HIPK2: variants seen among roughly 807,000 people sequenced by gnomAD.
The protein encoded by HIPK2 is homeodomain interacting protein kinase 2.
A neutral mutation model predicts 113.7 loss-of-function variants in HIPK2; 27 were observed. The observed-to-expected ratio is 0.24, with a 90% CI of 0.17 to 0.33. The LOEUF (loss-of-function observed/expected upper bound fraction) is 0.33. HIPK2 is among the 10% of genes least tolerant of loss of function. The pLI is 1.00. For synonymous variants in HIPK2, 631 were observed against 642.2 expected, an observed-to-expected ratio of 0.98 and a Z score of 0.26; for missense variants, 1,257 against 1,588.0, an observed-to-expected ratio of 0.79 and a Z score of 3.54.
intron 12 of HIPK2, among the ~76,000 whole-genome samples, chr7:139,594,456 C>T (rs753590218): frequency 6.6e-6 from 1 of 152,018 alleles, no homozygotes; most frequent in East Asian, 1.9e-4. Flanking sequence ...TATTTCCCCA[C>T]ATTTTTTTTT....
In HIPK2 at chr7:139,566,291, C is replaced by G. The variant is rs6958507; in HGVS notation, c.*6636G>C. 0.098 allele frequency: 14,891 copies of G among 152,214 alleles called. 1,046 individuals carry two copies. Among genetic ancestry groups the G allele is most frequent in the African/African-American group, 0.2 (8,157 of 41,472 alleles). 9.4% of individuals were successfully genotyped at this position (152,214 alleles called of 1,614,324 possible). A position where few individuals can be genotyped will look rare whatever the true frequency, so the allele number is the denominator to read the frequency against. ...GCTCAGTTCTGGAGCTGGGCAGACTCAGGTTCAAGCCCTCCTCGCCCCTCA... is the reference window on the plus strand; with the variant it reads ...GCTCAGTTCTGGAGCTGGGCAGACTGAGGTTCAAGCCCTCCTCGCCCCTCA... On this transcript the variant is annotated 3_prime_UTR_variant, in exon 15 of 15. Transcript: ENST00000406875. This position sits in a 1 kb window ranked among gnomAD's most constrained non-coding sequence, Gnocchi z 4.1.
At chr7:139,715,696 G>A (rs561324814) in intron 2 of HIPK2, among the ~76,000 whole-genome samples, 1 of 152,296 alleles carries the variant, frequency 6.6e-6, no homozygotes, top group Non-Finnish European at 1.5e-5. Flanking sequence ...CAGGTCCCAG[G>A]GAGCCCTTCC....
chr7:139,570,362 T>A lies in HIPK2; in HGVS notation c.*2565A>T, dbSNP rs1385706296. On this transcript the variant is annotated 3_prime_UTR_variant, in exon 15 of 15. Coordinates refer to ENST00000406875, the MANE Select transcript of HIPK2 (RefSeq NM_022740.5). ...CTCTGAACTGACCATTGTCCTGCTG[T>A]CTCAGAGGGCTGCGCTTCCCCACCT... 2 of 152,204 alleles carry A rather than the reference T, an allele frequency of 1.3e-5. No homozygotes were observed. 9.4% of individuals were successfully genotyped at this position (152,204 alleles called of 1,614,324 possible). A position where few individuals can be genotyped will look rare whatever the true frequency, so the allele number is the denominator to read the frequency against.
intron 2 of HIPK2, among the ~76,000 whole-genome samples, chr7:139,703,873 ACCAC>A (rs1569477447): frequency 8.0e-5 from 10 of 125,056 alleles, no homozygotes; most frequent in South Asian, 2.6e-4. Flanking sequence ...CACACCCAAC[ACCAC>A]CACACACACA....
chr7:139,650,389 C>T (rs573588260), intron 2 of HIPK2, among the ~76,000 whole-genome samples: 1 of 148,140 alleles, frequency 6.8e-6, no homozygotes, highest in African/African-American at 2.5e-5. Context: ...ATTTCTGAGG[C>T]TGATCTGGGG....
At chr7:139,717,936 G>T (rs1795297240) in intron 1 of HIPK2, among the ~76,000 whole-genome samples, 1 of 151,988 alleles carries the variant, frequency 6.6e-6, no homozygotes, top group South Asian at 2.1e-4. Context: ...TAGGGATGGG[G>T]TTTCACCATG....
At chr7:139,606,148 C>T (rs1799608687) in intron 9 of HIPK2, among the ~76,000 whole-genome samples, 1 of 152,150 alleles carries the variant, frequency 6.6e-6, no homozygotes, top group Non-Finnish European at 1.5e-5. Context: ...TCATTTGTGA[C>T]AACGCTTCAT....
intron 2 of HIPK2, among the ~76,000 whole-genome samples, chr7:139,660,141 T>C (rs1038947400): frequency 1.3e-5 from 2 of 152,214 alleles, no homozygotes; most frequent in Non-Finnish European, 2.9e-5. Flanking sequence ...TATCTGGTTG[T>C]AGCCCAACTG....
rs1802713011 is a variant in HIPK2, at chr7:139,681,872, T to C, written c.1103+34060A>G. ...TTCCTACATTTCTTTGTCCACTGAC[T>C]GGGGGCCCTGGTTCTAGGACAGCAT... is the stretch of plus-strand genomic sequence containing the variant. On this transcript the variant is annotated intron_variant, in intron 2 of 14. Coordinates refer to ENST00000406875, the MANE Select transcript of HIPK2 (RefSeq NM_022740.5). 2.0e-5 allele frequency among the ~76,000 whole-genome samples: 3 copies of C among 152,192 alleles called. No homozygotes were observed. The South Asian group carries it at 6.2e-4, about 31-fold the overall frequency.
At position 139,676,629 on chromosome 7, in the gene HIPK2, A is replaced by G. The variant is rs1238107704; in HGVS notation, c.1103+39303T>C. ...ATTTGGTTCAACAGACCAAAGCTAG[A>G]TATGAGTCCCCCTTCTTCCAACATG... On this transcript the variant is annotated intron_variant, in intron 2 of 14. Coordinates refer to ENST00000406875, the MANE Select transcript of HIPK2 (RefSeq NM_022740.5). Among the ~76,000 whole-genome samples the G allele has an allele frequency of 4.6e-5, 7 of 152,126 alleles. No homozygotes were observed. The East Asian group carries it at 1.2e-3, about 25-fold the overall frequency.
intron 2 of HIPK2, among the ~76,000 whole-genome samples, chr7:139,695,888 G>A (rs1794550676): frequency 6.6e-6 from 1 of 152,304 alleles, no homozygotes; most frequent in East Asian, 1.9e-4. Context: ...CTTGGGGGAA[G>A]GGCCTAGTTC....
At chr7:139,775,053 T>C (rs1796717511) in intron 1 of HIPK2, among the ~76,000 whole-genome samples, 1 of 152,218 alleles carries the variant, frequency 6.6e-6, no homozygotes, top group South Asian at 2.1e-4. Flanking sequence ...CACCTGGTAT[T>C]CCAACTTGGT....
chr7:139,587,546 C>T (rs552727527), intron 12 of HIPK2, among the ~76,000 whole-genome samples: 1 of 150,968 alleles, frequency 6.6e-6, no homozygotes, highest in African/African-American at 2.4e-5. Context: ...GGCACTTCGC[C>T]GCTGTACATC....
At chr7:139,711,840 C>T (rs1391572413) in intron 2 of HIPK2, among the ~76,000 whole-genome samples, 1 of 152,194 alleles carries the variant, frequency 6.6e-6, no homozygotes, top group African/African-American at 2.4e-5. Flanking sequence ...TGAAGTAATA[C>T]AAGCAAGGAT....
chr7:139,754,808 A>G (rs1383799385), intron 1 of HIPK2, among the ~76,000 whole-genome samples: 1 of 152,144 alleles, frequency 6.6e-6, no homozygotes, highest in East Asian at 1.9e-4. Flanking sequence ...AGAGACGATG[A>G]TGGAATTCGA....
chr7:139,743,630 G>T (rs145845238), intron 1 of HIPK2, among the ~76,000 whole-genome samples: 6 of 152,292 alleles, frequency 3.9e-5, no homozygotes, highest in African/African-American at 1.4e-4. Flanking sequence ...CTGCCCTGTG[G>T]ATTCAGCCAG....
intron 2 of HIPK2, among the ~76,000 whole-genome samples, chr7:139,647,833 T>A (rs1287009934): frequency 6.6e-6 from 1 of 152,260 alleles, no homozygotes; most frequent in Non-Finnish European, 1.5e-5. Flanking sequence ...AACAGCTTAG[T>A]TTCTTTTTTG....
intron 2 of HIPK2, among the ~76,000 whole-genome samples, chr7:139,709,870 G>C (rs906395290): frequency 6.6e-6 from 1 of 152,196 alleles, no homozygotes; most frequent in East Asian, 1.9e-4. Flanking sequence ...TTAAACAAAA[G>C]AAAGCAAAAT....
rs559264114 is a variant in HIPK2, at chr7:139,770,626, C to T, written c.19+6979G>A. 3.3e-5 allele frequency among the ~76,000 whole-genome samples: 5 copies of T among 152,354 alleles called. No homozygotes were observed. The South Asian group carries it at 6.2e-4, about 19-fold the overall frequency. On this transcript the variant is annotated intron_variant, in intron 1 of 14. Transcript: ENST00000406875. ...TGGAAGGTTCTATGGTGATCTCTCA[C>T]TGCGGATGGACAGAACCACCTGGAG...
Sources: allele counts gnomAD v4.1 joint callset (sites outside exome capture counted in the v4.1 genomes callset), GRCh38; gene constraint gnomAD v4.1.1; non-coding constraint Gnocchi (gnomAD v3.1); transcripts MANE v1.5; gene names NCBI Gene and HGNC (gene_info 2026-07-23, HGNC 2026-07-21).